ALDH1A1: variants seen among roughly 807,000 people sequenced by gnomAD.
ALDH1A1 encodes aldehyde dehydrogenase 1A1.
In ALDH1A1, 19 loss-of-function variants were observed where a neutral mutation model predicts 62.1. The ratio of observed to expected loss-of-function variants is 0.31; its 90% CI spans 0.21 to 0.45. ALDH1A1 has a LOEUF of 0.45. Among genes scored for constraint, ALDH1A1 ranks in the 20% least tolerant of loss-of-function variants. ALDH1A1 has a pLI of 1.00. For missense variants in ALDH1A1, 521 were observed against 607.1 expected, an observed-to-expected ratio of 0.86 and a Z score of 1.49; for synonymous variants, 231 against 215.9, an observed-to-expected ratio of 1.07 and a Z score of -0.61.
In ALDH1A1 at chr9:72,951,510, A is replaced by T. The variant is rs952697260; in HGVS notation, c.66+1425T>A. Among the ~76,000 whole-genome samples, 8 of 147,868 alleles carry T rather than the reference A, an allele frequency of 5.4e-5. No homozygotes were observed. In the South Asian group the frequency reaches 8.5e-4, roughly 16 times the overall value. ...AAATATCTTCCTAGGTAGTATTATT[A>T]AAAAAAAAATCCCATTAATAATAGT... On this transcript the variant is annotated intron_variant, in intron 1 of 12. Transcript: ENST00000297785.
At chr9:72,949,125 T>C (rs1461455190) in intron 1 of ALDH1A1, among the ~76,000 whole-genome samples, 2 of 151,888 alleles carry the variant, frequency 1.3e-5, no homozygotes, top group Admixed American at 6.6e-5. Flanking sequence ...AGAAATGTAG[T>C]TCACACAGAC....
At chr9:72,908,548 GAAAGAAGAAAGAAAGA>G (rs1393418407) in intron 11 of ALDH1A1, among the ~76,000 whole-genome samples, 4 of 29,724 alleles carry the variant, frequency 1.3e-4, no homozygotes, top group African/African-American at 2.5e-4. Flanking sequence ...AGAAAGAAAA[GAAAGAAGAAAGAAAGA>G]AAGAAAGAAA....
Position 72,906,038 on chromosome 9 carries a change from G to A in ALDH1A1, c.1359-6C>T. On this transcript the variant is annotated splice_region_variant and splice_polypyrimidine_tract_variant and intron_variant, in intron 11 of 12. Transcript: ENST00000297785. ...CCACGCCATAGCAATTCACCCTGAA[G>A]GAAAAGAAAAGTGCATTATAGACAA... 6.2e-7 allele frequency: 1 copy of A among 1,608,102 alleles called. No individual in the cohort carries two copies. The highest frequency in any genetic ancestry group is 8.5e-7 in the Non-Finnish European group (1 of 1,176,838).
chr9:72,933,680 A>G (rs1453197662), intron 2 of ALDH1A1, among the ~76,000 whole-genome samples: 1 of 152,166 alleles, frequency 6.6e-6, no homozygotes, highest in Admixed American at 6.5e-5. Context: ...ATGAAGATTA[A>G]TAAGATAACA....
chr9:72,953,009 C>T lies in ALDH1A1; in HGVS notation c.-9G>A, dbSNP rs1283030418. The T allele has an allele frequency of 6.2e-7, 1 of 1,612,766 alleles. No homozygotes were observed. Among genetic ancestry groups the T allele is most frequent in the Non-Finnish European group, 8.5e-7 (1 of 1,179,268 alleles). ...GTGCCTGAGGATGACATTTCTGATT[C>T]GGCTCCTGGAACACAGGTGACTGGC... is the stretch of plus-strand genomic sequence containing the variant. On this transcript the variant is annotated 5_prime_UTR_variant, in exon 1 of 13. Transcript: ENST00000297785.
At chr9:72,912,260 G>A in intron 9 of ALDH1A1, 138 bp from the exon 10 acceptor site, 18 of 654,704 alleles carry the variant, frequency 2.7e-5, no homozygotes, top group Middle Eastern at 4.0e-4. Flanking sequence ...AGCTAACAGA[G>A]GTTCAGATTC....
intron 10 of ALDH1A1, among the ~76,000 whole-genome samples, chr9:72,911,315 G>T (rs923829878): frequency 1.3e-5 from 2 of 152,066 alleles, no homozygotes; most frequent in Non-Finnish European, 2.9e-5. Flanking sequence ...AGTCTATAGG[G>T]CAAAGGTGGA....
rs537145637 is a variant in ALDH1A1, at chr9:72,901,432, G to A, written c.1434-152C>T. 6.5e-5 allele frequency: 32 copies of A among 490,642 alleles called. No individual in the cohort carries two copies. In the East Asian group the frequency reaches 9.2e-4, roughly 14 times the overall value. The allele number at this position is 490,642 out of a possible 1,614,324, so 30.4% of individuals were successfully genotyped here. ...TACAGAGCATTTTATATAGTAGCTAGCCAATCATAAGATTTCTGGTCTTAC... is the reference window on the plus strand; with the variant it reads ...TACAGAGCATTTTATATAGTAGCTAACCAATCATAAGATTTCTGGTCTTAC... On this transcript the variant is annotated intron_variant, in intron 12 of 12. Transcript: ENST00000297785.
chr9:72,947,838 G>T (rs775138678), intron 1 of ALDH1A1, among the ~76,000 whole-genome samples: 1 of 151,840 alleles, frequency 6.6e-6, no homozygotes, highest in African/African-American at 2.4e-5. Context: ...ATCTTTTCTA[G>T]CTCCTCTCAG....
At chr9:72,934,808 T>C (rs1830328800) in intron 2 of ALDH1A1, among the ~76,000 whole-genome samples, 1 of 152,174 alleles carries the variant, frequency 6.6e-6, no homozygotes, top group South Asian at 2.1e-4. Context: ...TATAAATGAA[T>C]AGACTATGGC....
intron 1 of ALDH1A1, among the ~76,000 whole-genome samples, chr9:72,944,752 G>A (rs1588145509): frequency 6.6e-6 from 1 of 151,894 alleles, no homozygotes; most frequent in South Asian, 2.1e-4. Flanking sequence ...AATATTCTTG[G>A]GTTCTATGTA....
intron 1 of ALDH1A1, among the ~76,000 whole-genome samples, chr9:72,944,284 G>A (rs1457065851): frequency 3.9e-5 from 6 of 152,074 alleles, no homozygotes; most frequent in Non-Finnish European, 8.8e-5. Flanking sequence ...GCTTTTGAAG[G>A]AGAGTGATGT....
intron 1 of ALDH1A1, among the ~76,000 whole-genome samples, chr9:72,952,565 C>T (rs895912044): frequency 2.0e-5 from 3 of 151,894 alleles, no homozygotes; most frequent in Non-Finnish European, 4.4e-5. Flanking sequence ...ATTGTTCCTA[C>T]TCGTTTGGTT....
At chr9:72,920,403 G>A (rs1830125646) in intron 7 of ALDH1A1, among the ~76,000 whole-genome samples, 1 of 152,132 alleles carries the variant, frequency 6.6e-6, no homozygotes, top group Non-Finnish European at 1.5e-5. Flanking sequence ...CATTTAAGAT[G>A]TTAAGGAGTT....
At chr9:72,945,177 T>G (rs1830461560) in intron 1 of ALDH1A1, among the ~76,000 whole-genome samples, 1 of 152,200 alleles carries the variant, frequency 6.6e-6, no homozygotes, top group Non-Finnish European at 1.5e-5. Context: ...TCAAAATATT[T>G]CTGGCTTGGA....
chr9:72,941,747 A>T (rs1228900693), intron 1 of ALDH1A1, among the ~76,000 whole-genome samples: 1 of 152,204 alleles, frequency 6.6e-6, no homozygotes, highest in Non-Finnish European at 1.5e-5. Context: ...CAAAATGGGG[A>T]AGAGGATAAG....
intron 8 of ALDH1A1, among the ~76,000 whole-genome samples, chr9:72,918,300 A>G (rs1273003514): frequency 6.6e-6 from 1 of 152,224 alleles, no homozygotes; most frequent in East Asian, 1.9e-4. Flanking sequence ...TAATGAGTGT[A>G]TGACCCAGAG....
At chr9:72,949,670 T>C (rs533759768) in intron 1 of ALDH1A1, among the ~76,000 whole-genome samples, 1 of 145,950 alleles carries the variant, frequency 6.9e-6, no homozygotes, top group Non-Finnish European at 1.6e-5. Flanking sequence ...TGTGCGTGTG[T>C]GTGTGTGTGT....
chr9:72,942,469 A>G (rs1432583995), intron 1 of ALDH1A1: 2 of 741,544 alleles, frequency 2.7e-6, no homozygotes, highest in Non-Finnish European at 3.3e-6. Flanking sequence ...CTATACAAGT[A>G]TAAAAAAGCT....
Sources: allele counts gnomAD v4.1 joint callset (sites outside exome capture counted in the v4.1 genomes callset), GRCh38; gene constraint gnomAD v4.1.1; transcripts MANE v1.5; gene names NCBI Gene and HGNC (gene_info 2026-07-23, HGNC 2026-07-21).